DOCK2: variants seen among roughly 807,000 people sequenced by gnomAD.
DOCK2 encodes the protein dedicator of cytokinesis protein 2.
Under a neutral mutation model 248.9 loss-of-function variants are expected in DOCK2, and 87 were observed. The observed-to-expected ratio is 0.35, with a 90% CI of 0.29 to 0.42. The LOEUF (loss-of-function observed/expected upper bound fraction) is 0.42, where lower values mean the gene tolerates loss of function less well. Ranked by LOEUF, DOCK2 falls within the 10% of genes least tolerant of loss-of-function variation. DOCK2 has a pLI of 1.00. For missense variants in DOCK2, 1,747 were observed against 2,300.2 expected, an observed-to-expected ratio of 0.76 and a Z score of 4.92; for synonymous variants, 805 against 821.6, an observed-to-expected ratio of 0.98 and a Z score of 0.35.
chr5:169,926,775 C>G (rs1157729725), intron 27 of DOCK2, among the ~76,000 whole-genome samples: 1 of 152,188 alleles, frequency 6.6e-6, no homozygotes, highest in Admixed American at 6.5e-5. Flanking sequence ...ATTCATTTAG[C>G]AACTAGTTAC....
chr5:170,070,494 C>A (rs1055023683), intron 46 of DOCK2, among the ~76,000 whole-genome samples: 7 of 152,204 alleles, frequency 4.6e-5, no homozygotes, highest in African/African-American at 1.7e-4. Flanking sequence ...TTTTCTCTTT[C>A]TTTTTACCTT....
chr5:169,702,734 T>A (rs1761055914), intron 14 of DOCK2: 1 of 183,232 alleles, frequency 5.5e-6, no homozygotes, highest in Non-Finnish European at 1.1e-5. Context: ...TGGTCTCAGC[T>A]TATAGGTTAG....
chr5:169,711,834 T>G, intron 15 of DOCK2, 101 bp from the exon 16 acceptor site: 1 of 1,247,794 alleles, frequency 8.0e-7, no homozygotes, highest in South Asian at 1.2e-5. Flanking sequence ...CAGGCAGCTC[T>G]CTCAGTTAAA....
chr5:169,847,402 G>C (rs1373437624), intron 27 of DOCK2, among the ~76,000 whole-genome samples: 1 of 152,144 alleles, frequency 6.6e-6, no homozygotes, highest in Non-Finnish European at 1.5e-5. Flanking sequence ...CAGGAGTAAG[G>C]TGGTATCTTA....
At chr5:169,696,769 C>G (rs1235630772) in intron 10 of DOCK2, among the ~76,000 whole-genome samples, 1 of 152,022 alleles carries the variant, frequency 6.6e-6, no homozygotes, top group Non-Finnish European at 1.5e-5. Context: ...TCCAACTAGT[C>G]CCCTGGCACT....
chr5:169,802,907 GA>G (rs1239062222), intron 25 of DOCK2, 150 bp from the exon 26 acceptor site: 7 of 1,027,032 alleles, frequency 6.8e-6, no homozygotes, highest in Admixed American at 3.0e-5. Context: ...ATGTTCTCAG[GA>G]AATCTTAACC....
chr5:170,021,802 A>G (rs1755738553), intron 33 of DOCK2, among the ~76,000 whole-genome samples: 1 of 152,072 alleles, frequency 6.6e-6, no homozygotes, highest in South Asian at 2.1e-4. Flanking sequence ...GGTTCAGGGT[A>G]AGCAGTCATG....
chr5:169,952,034 C>A (rs1160605205), intron 27 of DOCK2, among the ~76,000 whole-genome samples: 1 of 152,212 alleles, frequency 6.6e-6, no homozygotes, highest in Non-Finnish European at 1.5e-5. Context: ...ATTCTCACAA[C>A]ATGTGAAAGA....
rs139114941 is a variant in DOCK2, at chr5:170,058,863, G to A, written c.4467+1197G>A. On this transcript the variant is annotated intron_variant, in intron 44 of 51. Transcript: ENST00000520908. Reference sequence around the variant, plus strand: ...TCTTTTCAGCGAACCCAGCAGCTCAGTAGCCCTTCAGCCTCCTTTTTATAG... The same window carrying A: ...TCTTTTCAGCGAACCCAGCAGCTCAATAGCCCTTCAGCCTCCTTTTTATAG... 3.0e-3 allele frequency among the ~76,000 whole-genome samples: 460 copies of A among 152,322 alleles called. 1 individual carries two copies. The highest frequency in any genetic ancestry group is 6.9e-3 in the Admixed American group (106 of 15,296).
chr5:169,891,497 CAGCTTTCCAAATCCA>C (rs1358845954), intron 27 of DOCK2, among the ~76,000 whole-genome samples: 9 of 152,164 alleles, frequency 5.9e-5, no homozygotes, highest in African/African-American at 2.2e-4. Flanking sequence ...GCAGTAAAAT[CAGCTTTCCAAATCCA>C]AGCTTAAGCA....
chr5:169,773,378 A>G (rs1765203432), intron 25 of DOCK2, among the ~76,000 whole-genome samples: 1 of 152,182 alleles, frequency 6.6e-6, no homozygotes, highest in Admixed American at 6.5e-5. Flanking sequence ...ATGAACTACA[A>G]TTTAATTAGG....
chr5:169,746,601 C>T (rs1763627395), intron 22 of DOCK2, among the ~76,000 whole-genome samples: 1 of 152,110 alleles, frequency 6.6e-6, no homozygotes, highest in African/African-American at 2.4e-5. Flanking sequence ...TGGTGATAAA[C>T]ATTTGTTTGG....
intron 27 of DOCK2, among the ~76,000 whole-genome samples, chr5:169,870,670 G>A (rs1198143180): frequency 1.3e-5 from 2 of 151,948 alleles, no homozygotes; most frequent in Non-Finnish European, 2.9e-5. Flanking sequence ...TGTTACACAT[G>A]TAAACATGTG....
At chr5:169,810,405 T>C (rs1767665269) in intron 26 of DOCK2, among the ~76,000 whole-genome samples, 1 of 152,228 alleles carries the variant, frequency 6.6e-6, no homozygotes, top group African/African-American at 2.4e-5. Flanking sequence ...TTGTATCAAA[T>C]TGATTTTAGT....
intron 25 of DOCK2, among the ~76,000 whole-genome samples, chr5:169,793,044 A>G (rs1209126764): frequency 1.3e-5 from 2 of 152,214 alleles, no homozygotes; most frequent in African/African-American, 4.8e-5. Flanking sequence ...AGGCGTGATG[A>G]TAGGCTATCT....
chr5:169,899,949 C>T (rs1031985267), intron 27 of DOCK2, among the ~76,000 whole-genome samples: 8 of 152,180 alleles, frequency 5.3e-5, no homozygotes, highest in Non-Finnish European at 7.3e-5. Context: ...ATGTCATTTC[C>T]TTCCACTAAG....
chr5:169,702,307 T>C lies in DOCK2; in HGVS notation c.1263T>C (p.Asp421=). The C allele has an allele frequency of 6.2e-7, 1 of 1,613,722 alleles. No homozygotes were observed. Among genetic ancestry groups the C allele is most frequent in the Non-Finnish European group, 8.5e-7 (1 of 1,179,722 alleles). ...LGFPEIIMPG[D]VRNDIYITLL... The stretch of plus-strand genomic sequence containing the variant: ...CTCTCTCTCCCTCTGCCTCAGGGGA[T>C]GTCAGGAACGACATCTACATTACTC... The change falls in exon 14 of 52, where the codon GAT becomes GAC. Residue 421 remains aspartate, a synonymous_variant. Transcript: ENST00000520908.
At chr5:169,794,796 G>A (rs907017987) in intron 25 of DOCK2, among the ~76,000 whole-genome samples, 8 of 152,148 alleles carry the variant, frequency 5.3e-5, no homozygotes, top group South Asian at 2.1e-4. Flanking sequence ...GGTGGCAGGC[G>A]CCTGTAGTCC....
intron 27 of DOCK2, among the ~76,000 whole-genome samples, chr5:169,844,517 A>C (rs2113348423): frequency 6.6e-6 from 1 of 152,158 alleles, no homozygotes; most frequent in Non-Finnish European, 1.5e-5. Flanking sequence ...GCGGACATGC[A>C]CTCCTAAGTA....
Sources: gnomAD v4.1 joint callset for allele counts (sites outside exome capture counted in the v4.1 genomes callset) on GRCh38, gnomAD v4.1.1 for gene constraint, MANE v1.5 for transcripts, NCBI Gene and HGNC (gene_info 2026-07-23, HGNC 2026-07-21) for gene names.